Variants in AR observed in about 807,000 individuals in gnomAD.
AR encodes the protein dihydrotestosterone receptor.
AR carries 8 observed loss-of-function variants against 53.9 expected under a neutral mutation model. That is an observed-to-expected ratio of 0.15 (90% CI 0.09 to 0.27). The LOEUF (loss-of-function observed/expected upper bound fraction) is 0.27, where lower values mean the gene tolerates loss of function less well. AR is among the 10% of genes least tolerant of loss of function. AR has a pLI of 1.00. For synonymous variants in AR, 359 were observed against 316.4 expected (o/e 1.13, Z -1.43); for missense variants, 639 against 742.5 (o/e 0.86, Z 1.62).
intron 5 of AR, among the ~76,000 whole-genome samples, chrX:67,718,012 T>G (rs1431237130): frequency 2.7e-5 from 3 of 112,829 alleles, no homozygotes; most frequent in African/African-American, 9.7e-5. Flanking sequence ...TAGTCACCAT[T>G]TGCTGAGCAA....
intron 2 of AR, among the ~76,000 whole-genome samples, chrX:67,685,561 A>G (rs2075961337): frequency 9.0e-6 from 1 of 111,713 alleles, no homozygotes; most frequent in Non-Finnish European, 1.9e-5. Flanking sequence ...ATGAAAAATA[A>G]GCATCTTATT....
At chrX:67,636,018 T>C (rs1925414635) in intron 1 of AR, among the ~76,000 whole-genome samples, 1 of 111,688 alleles carries the variant, frequency 9.0e-6, no homozygotes, top group African/African-American at 3.3e-5. Context: ...AGAATACATG[T>C]AATATATAAT....
At chrX:67,634,947 G>T (rs889062682) in intron 1 of AR, among the ~76,000 whole-genome samples, 1 of 110,559 alleles carries the variant, frequency 9.0e-6, no homozygotes, top group African/African-American at 3.3e-5. Flanking sequence ...TTGAAAAGTA[G>T]GTATGTATGA....
At chrX:67,660,408 A>C (rs1163985452) in intron 2 of AR, among the ~76,000 whole-genome samples, 1 of 111,769 alleles carries the variant, frequency 8.9e-6, no homozygotes, top group African/African-American at 3.3e-5. Flanking sequence ...TAAGGAAGGG[A>C]TCCAGTTTCA....
rs183258470 is a variant in AR at position 67,722,155 on chromosome X, C to T, written c.2449+192C>T. On this transcript the variant is annotated intron_variant, in intron 6 of 7. Coordinates refer to ENST00000374690, the MANE Select transcript of AR (RefSeq NM_000044.6). ...CAAGAAACAATTTCATGACTAGAAG[C>T]CAATTTATTTGCTAGAAGTCAACCT... is the stretch of plus-strand genomic sequence containing the variant. 9.7e-4 allele frequency: 481 copies of T among 497,130 alleles called. 4 individuals are homozygous for T. The highest frequency in any genetic ancestry group is 1.4e-3 in the East Asian group (35 of 25,627). 41.0% of individuals were successfully genotyped at this position (497,130 alleles called of 1,213,427 possible).
In AR at chrX:67,581,709, C is replaced by A. The variant is rs1361083908; in HGVS notation, c.1616+34947C>A. On this transcript the variant is annotated intron_variant, in intron 1 of 7. Transcript: ENST00000374690. ...TATCCGCATTTTATAAATGAGGAAA[C>A]TGCTCTCAAAGAGGTTAGTTTACAC... Among the ~76,000 whole-genome samples, 3 of 111,732 alleles carry A rather than the reference C, an allele frequency of 2.7e-5. No homozygotes were observed. The Admixed American group carries it at 2.9e-4, about 11-fold the overall frequency.
intron 1 of AR, among the ~76,000 whole-genome samples, chrX:67,596,416 T>C (rs1166685362): frequency 9.0e-6 from 1 of 111,405 alleles, no homozygotes; most frequent in Non-Finnish European, 1.9e-5. Flanking sequence ...TCAATTGATA[T>C]TTACTCTTAA....
intron 3 of AR, among the ~76,000 whole-genome samples, chrX:67,686,619 G>T (rs1391296909): frequency 8.9e-6 from 1 of 111,889 alleles, no homozygotes; most frequent in African/African-American, 3.3e-5. Context: ...CCTCGAATGA[G>T]AAGCTACTTC....
chrX:67,574,946 C>A (rs1402793665), intron 1 of AR, among the ~76,000 whole-genome samples: 1 of 111,606 alleles, frequency 9.0e-6, no homozygotes, highest in Non-Finnish European at 1.9e-5. Flanking sequence ...CAAAGATAAA[C>A]CCAAATAATA....
chrX:67,558,116 T>C (rs1227047429), intron 1 of AR, among the ~76,000 whole-genome samples: 2 of 112,057 alleles, frequency 1.8e-5, no homozygotes, highest in African/African-American at 6.5e-5. Context: ...GCTAAGCTCA[T>C]ACAGCAAGCT....
At chrX:67,645,779 TTAC>T (rs1225146944) in intron 2 of AR, among the ~76,000 whole-genome samples, 1 of 109,550 alleles carries the variant, frequency 9.1e-6, no homozygotes, top group Non-Finnish European at 1.9e-5. Flanking sequence ...AAAAAAAAAA[TTAC>T]TGGTGTTTTC....
rs146283342 is a variant in AR at position 67,711,342 on chromosome X, G to A, written c.1886-60G>A. On this transcript the variant is annotated intron_variant, in intron 3 of 7. Coordinates refer to ENST00000374690, the MANE Select transcript of AR (RefSeq NM_000044.6). Reference sequence around the variant, plus strand: ...CTAGGGCAGTTTTTCTAAAAAGGTAGTTGCATTGTGTGTTTTTGACCACTG... The same window carrying A: ...CTAGGGCAGTTTTTCTAAAAAGGTAATTGCATTGTGTGTTTTTGACCACTG... The A allele has an allele frequency of 2.1e-3, 2,419 of 1,134,240 alleles. 48 individuals carry two copies. In the African/African-American group the frequency reaches 0.039, roughly 18 times the overall value. The allele number at this position is 1,134,240 out of a possible 1,213,427, so 93.5% of individuals were successfully genotyped here.
intron 2 of AR, among the ~76,000 whole-genome samples, chrX:67,645,225 T>C (rs1174735285): frequency 1.8e-5 from 2 of 111,974 alleles, no homozygotes; most frequent in African/African-American, 6.5e-5. Flanking sequence ...TCCTCTGAGT[T>C]TTACAAATAT....
In AR at chrX:67,709,917, T is replaced by G. The variant is rs150976906; in HGVS notation, c.1886-1485T>G. 6.8e-3 allele frequency among the ~76,000 whole-genome samples: 766 copies of G among 112,068 alleles called. 3 individuals carry two copies. The highest frequency in any genetic ancestry group is 0.024 in the African/African-American group (729 of 30,833). ...ATGGAAAGGACCTTCAAGGCCACTTTTAAAAACCCCATTCCCATATGATGC... is the reference window on the plus strand; with the variant it reads ...ATGGAAAGGACCTTCAAGGCCACTTGTAAAAACCCCATTCCCATATGATGC... On this transcript the variant is annotated intron_variant, in intron 3 of 7. Coordinates refer to ENST00000374690, the MANE Select transcript of AR (RefSeq NM_000044.6).
chrX:67,723,405 C>T (rs1405293380), intron 7 of AR, among the ~76,000 whole-genome samples: 1 of 99,109 alleles, frequency 1.0e-5, no homozygotes, highest in African/African-American at 3.7e-5. Context: ...TGGGTGAGAG[C>T]ACAAGCTGGA....
At chrX:67,633,961 A>G (rs1904310690) in intron 1 of AR, among the ~76,000 whole-genome samples, 1 of 110,204 alleles carries the variant, frequency 9.1e-6, no homozygotes, top group African/African-American at 3.4e-5. Flanking sequence ...TTGGAGTGAT[A>G]TAATTGCTCT....
intron 1 of AR, among the ~76,000 whole-genome samples, chrX:67,610,326 T>C (rs1602190488): frequency 1.8e-5 from 2 of 111,732 alleles, no homozygotes; most frequent in Admixed American, 1.9e-4. Flanking sequence ...AATAGGAACT[T>C]CTGGTAGGGT....
chrX:67,703,165 G>T (rs1261657024), intron 3 of AR, among the ~76,000 whole-genome samples: 1 of 111,796 alleles, frequency 8.9e-6, no homozygotes, highest in East Asian at 2.8e-4. Flanking sequence ...AGGTTTTGTT[G>T]TATTTATCCA....
intron 1 of AR, among the ~76,000 whole-genome samples, chrX:67,628,848 C>A (rs1036817651): frequency 3.6e-5 from 4 of 111,290 alleles, no homozygotes; most frequent in African/African-American, 9.8e-5. Flanking sequence ...TAGCATGAAG[C>A]GTTATTGAAT....
Sources: allele counts gnomAD v4.1 joint callset (sites outside exome capture counted in the v4.1 genomes callset), GRCh38; gene constraint gnomAD v4.1.1; transcripts MANE v1.5; gene names NCBI Gene and HGNC (gene_info 2026-07-23, HGNC 2026-07-21).